The following YWHAE variants were observed in gnomAD, a reference collection of about 807,000 sequenced individuals.
YWHAE encodes tyrosine 3-monooxygenase/tryptophan 5-monooxygenase activation protein epsilon.
In YWHAE, 4 loss-of-function variants were observed where a neutral mutation model predicts 30.1. The ratio of observed to expected loss-of-function variants is 0.13; its 90% CI spans 0.07 to 0.30. The LOEUF is 0.30. Among genes scored for constraint, YWHAE ranks in the 10% least tolerant of loss-of-function variants. The probability of loss-of-function intolerance (pLI) is 1.00; values close to 1 mark genes in which losing one functional copy is unlikely to be tolerated. For synonymous variants in YWHAE, 118 were observed against 111.8 expected, an observed-to-expected ratio of 1.06 and a Z score of -0.35; for missense variants, 121 against 315.9, an observed-to-expected ratio of 0.38 and a Z score of 4.68.
At chr17:1,388,118 G>GTTTTTTTTTTTT (rs1297503908) in intron 1 of YWHAE, among the ~76,000 whole-genome samples, 9 of 15,500 alleles carry the variant, frequency 5.8e-4, no homozygotes, top group East Asian at 1.9e-3. Flanking sequence ...TTTTTGGTTG[G>GTTTTTTTTTTTT]TTTTTTTTTT....
chr17:1,346,799 A>C (rs376776883), intron 5 of YWHAE, among the ~76,000 whole-genome samples: 1 of 151,888 alleles, frequency 6.6e-6, no homozygotes, highest in East Asian at 1.9e-4. Flanking sequence ...ATCCTGGCTA[A>C]CACAGTAAAT....
intron 4 of YWHAE, among the ~76,000 whole-genome samples, chr17:1,358,993 A>T (rs1439665203): frequency 6.6e-6 from 1 of 151,784 alleles, no homozygotes; most frequent in Non-Finnish European, 1.5e-5. Flanking sequence ...AAAATTAGCC[A>T]GGCATGGTGG....
At chr17:1,396,685 GCGCAATCTCGGCTCAC>G (rs2073476887) in intron 1 of YWHAE, among the ~76,000 whole-genome samples, 1 of 152,100 alleles carries the variant, frequency 6.6e-6, no homozygotes, top group Admixed American at 6.6e-5. Context: ...GAGTGCAATG[GCGCAATCTCGGCTCAC>G]CGCAACCTCG....
chr17:1,399,145 G>C (rs919494914), intron 1 of YWHAE: 17 of 152,252 alleles, frequency 1.1e-4, no homozygotes, highest in African/African-American at 3.9e-4. Context: ...GGGGGACGGA[G>C]GCTCGGGCTC....
chr17:1,390,078 A>G (rs1425441034), intron 1 of YWHAE, among the ~76,000 whole-genome samples: 1 of 152,024 alleles, frequency 6.6e-6, no homozygotes, highest in African/African-American at 2.4e-5. Context: ...TCCCGACCTC[A>G]GGTGATCCGC....
chr17:1,383,993 C>G (rs994937165), intron 1 of YWHAE, among the ~76,000 whole-genome samples: 4 of 151,852 alleles, frequency 2.6e-5, no homozygotes, highest in African/African-American at 9.7e-5. Context: ...ATCACAAGGT[C>G]AAGAGTTCAA....
intron 1 of YWHAE, chr17:1,399,323 G>A (rs1223042606): frequency 1.3e-5 from 2 of 152,248 alleles, no homozygotes; most frequent in Non-Finnish European, 2.9e-5. Context: ...CGACGAGGAG[G>A]AAAAGCCCCG....
chr17:1,374,441 T>TTC, intron 1 of YWHAE, among the ~76,000 whole-genome samples: 1 of 152,352 alleles, frequency 6.6e-6, no homozygotes, highest in South Asian at 2.1e-4. Flanking sequence ...ATGCTTTCAG[T>TTC]TCACTTCAGT....
intron 4 of YWHAE, among the ~76,000 whole-genome samples, chr17:1,360,207 C>T (rs12942432): frequency 0.26 from 39,378 of 151,930 alleles, 6,134 homozygotes; most frequent in African/African-American, 0.43. Flanking sequence ...GGTGACCCAC[C>T]CACCTCAGCC....
chr17:1,364,516 G>A (rs1481891166), intron 2 of YWHAE, among the ~76,000 whole-genome samples: 7 of 152,090 alleles, frequency 4.6e-5, no homozygotes, highest in Non-Finnish European at 7.4e-5. Flanking sequence ...CTGAGCCACC[G>A]CGCCTGGCCA....
At chr17:1,380,733 A>C (rs2073194127) in intron 1 of YWHAE, among the ~76,000 whole-genome samples, 1 of 152,212 alleles carries the variant, frequency 6.6e-6, no homozygotes, top group Non-Finnish European at 1.5e-5. Context: ...TTTGCAGAAT[A>C]CAGCTCCATT....
At chr17:1,360,143 A>G (rs2072840669) in intron 4 of YWHAE, among the ~76,000 whole-genome samples, 1 of 151,994 alleles carries the variant, frequency 6.6e-6, no homozygotes, top group African/African-American at 2.4e-5. Context: ...TGTATTTTTA[A>G]TAGAGACAGA....
chr17:1,362,589 A>C (rs565918174), intron 2 of YWHAE, among the ~76,000 whole-genome samples: 8 of 152,034 alleles, frequency 5.3e-5, no homozygotes, highest in African/African-American at 1.4e-4. Flanking sequence ...CCTATCTACC[A>C]AAGTAGCTAC....
intron 4 of YWHAE, among the ~76,000 whole-genome samples, chr17:1,355,131 A>T (rs1387037629): frequency 9.4e-5 from 10 of 105,910 alleles, no homozygotes; most frequent in East Asian, 6.7e-4. Context: ...AAAAAAAAAA[A>T]AAAAAAAAAA....
intron 1 of YWHAE, among the ~76,000 whole-genome samples, chr17:1,397,697 G>A (rs2073495553): frequency 6.6e-6 from 1 of 151,944 alleles, no homozygotes; most frequent in African/African-American, 2.4e-5. Context: ...AGAACTCCGG[G>A]AAAACTTTGC....
chr17:1,374,329 A>AG (rs1008795440), intron 1 of YWHAE, among the ~76,000 whole-genome samples: 1 of 152,146 alleles, frequency 6.6e-6, no homozygotes, highest in Non-Finnish European at 1.5e-5. Flanking sequence ...GAAAAAAAAA[A>AG]AAAAATCCAT....
At chr17:1,391,353 G>C (rs747926724) in intron 1 of YWHAE, among the ~76,000 whole-genome samples, 2 of 152,150 alleles carry the variant, frequency 1.3e-5, no homozygotes, top group Non-Finnish European at 2.9e-5. Flanking sequence ...TAAAAAGCTG[G>C]ACAACGTTTA....
chr17:1,349,027 C>T (rs4790882), intron 5 of YWHAE, among the ~76,000 whole-genome samples: 1 of 149,110 alleles, frequency 6.7e-6, no homozygotes, highest in Non-Finnish European at 1.5e-5. Context: ...CTCTGTCTCA[C>T]GAAAAAAGGA....
chr17:1,369,869 A>T (rs1267958439), intron 1 of YWHAE: 2 of 151,982 alleles, frequency 1.3e-5, no homozygotes, highest in African/African-American at 4.8e-5. Context: ...TAAACTGTAC[A>T]TAATTTAAAA....
Sources: allele counts gnomAD v4.1 joint callset (sites outside exome capture counted in the v4.1 genomes callset), GRCh38; gene constraint gnomAD v4.1.1; transcripts MANE v1.5; gene names NCBI Gene and HGNC (gene_info 2026-07-23, HGNC 2026-07-21).